SCML4: variants seen among roughly 807,000 people sequenced by gnomAD.
SCML4 encodes sex comb on midleg-like protein 4.
In SCML4, 34 loss-of-function variants were observed where a neutral mutation model predicts 41.1. The ratio of observed to expected loss-of-function variants is 0.83; its 90% CI spans 0.63 to 1.10. The LOEUF (loss-of-function observed/expected upper bound fraction) is 1.10, where lower values mean the gene tolerates loss of function less well. Ranked by LOEUF, SCML4 falls within the 50% of genes least tolerant of loss-of-function variation. SCML4 has a pLI of 0.00. For synonymous variants in SCML4, 214 were observed against 220.9 expected, an observed-to-expected ratio of 0.97 and a Z score of 0.28; for missense variants, 522 against 534.1, an observed-to-expected ratio of 0.98 and a Z score of 0.22.
At chr6:107,712,189 G>C (rs1774289510) in intron 6 of SCML4, among the ~76,000 whole-genome samples, 1 of 152,206 alleles carries the variant, frequency 6.6e-6, no homozygotes, top group Admixed American at 6.5e-5. Flanking sequence ...TGCCCCATCA[G>C]AACATTGGCG....
At chr6:107,760,072 A>G (rs1779462606) in intron 2 of SCML4, among the ~76,000 whole-genome samples, 1 of 152,194 alleles carries the variant, frequency 6.6e-6, no homozygotes, top group African/African-American at 2.4e-5. Flanking sequence ...TTGTGTGTGT[A>G]ACTTTCATTA....
the SCML4 span, among the ~76,000 whole-genome samples, chr6:107,839,346 AAAGAAAGAAAGAAAGAAAGAAG>A: frequency 0.053 from 1,296 of 24,588 alleles, 15 homozygotes; most frequent in Non-Finnish European, 0.083. Flanking sequence ...AGAGAAAAAG[AAAGAAAGAAAGAAAGAAAGAAG>A]GAAAGAAAGA....
chr6:107,814,454 T>A (rs1232607036), intron 1 of SCML4, among the ~76,000 whole-genome samples: 2 of 152,264 alleles, frequency 1.3e-5, no homozygotes, highest in East Asian at 3.8e-4. Context: ...GGCTGCTGTG[T>A]GGATACCCAC....
chr6:107,764,904 G>C (rs1411863033), intron 2 of SCML4, among the ~76,000 whole-genome samples: 1 of 152,126 alleles, frequency 6.6e-6, no homozygotes, highest in African/African-American at 2.4e-5. Flanking sequence ...TCTCTTATCT[G>C]CCACCATATA....
intron 1 of SCML4, among the ~76,000 whole-genome samples, chr6:107,817,576 G>C (rs1159034473): frequency 8.1e-6 from 1 of 122,766 alleles, no homozygotes; most frequent in Non-Finnish European, 1.6e-5. Context: ...AGCTGAGATC[G>C]CACCACTGTA....
intron 1 of SCML4, among the ~76,000 whole-genome samples, chr6:107,778,196 CAAAAAAAAAAA>C (rs1171221403): frequency 2.5e-3 from 19 of 7,742 alleles, no homozygotes; most frequent in East Asian, 5.6e-3. Flanking sequence ...GACTCTATCT[CAAAAAAAAAAA>C]AAAAAAAAAA....
At chr6:107,740,241 G>T (rs1441519018) in intron 5 of SCML4, 1 of 450,174 alleles carries the variant, frequency 2.2e-6, no homozygotes, top group Non-Finnish European at 4.6e-6. Flanking sequence ...CCACAATAAA[G>T]TGTGAGACCA....
In SCML4 at chr6:107,708,024, C is replaced by T; in HGVS notation, c.974-13G>A. On this transcript the variant is annotated splice_polypyrimidine_tract_variant and intron_variant, in intron 6 of 7. Transcript: ENST00000369020. ...GAAGGGCTTGAGGCTGGATGGGGCA[C>T]AGAGAGGGAGACCATGAGCCAGTGG... 6.5e-7 allele frequency: 1 copy of T among 1,549,264 alleles called. No individual in the cohort carries two copies. Among genetic ancestry groups the T allele is most frequent in the Non-Finnish European group, 8.7e-7 (1 of 1,146,932 alleles).
chr6:107,713,926 C>G (rs930099521), intron 6 of SCML4, among the ~76,000 whole-genome samples: 1 of 152,176 alleles, frequency 6.6e-6, no homozygotes, highest in Non-Finnish European at 1.5e-5. Context: ...TGAAACAGTG[C>G]TGTTTTTCAT....
chr6:107,705,975 T>C (rs6910172), intron 7 of SCML4, among the ~76,000 whole-genome samples: 133,008 of 152,156 alleles, frequency 0.87, 58,278 homozygotes, highest in South Asian at 0.92. Context: ...AGAATGCATG[T>C]GGAGTTCATG....
chr6:107,829,859 A>T, the SCML4 span, among the ~76,000 whole-genome samples: 562 of 152,374 alleles, frequency 3.7e-3, 3 homozygotes, highest in African/African-American at 0.013. Flanking sequence ...ATTGGCAAAC[A>T]TATTTGATAA....
At chr6:107,802,491 C>T (rs545895167) in intron 1 of SCML4, among the ~76,000 whole-genome samples, 20 of 149,732 alleles carry the variant, frequency 1.3e-4, no homozygotes, top group Non-Finnish European at 2.7e-4. Flanking sequence ...AGAGGGAAGG[C>T]GGGGTAGGAA....
the SCML4 span, among the ~76,000 whole-genome samples, chr6:107,845,521 C>T: frequency 7.7e-4 from 117 of 152,304 alleles, no homozygotes; most frequent in African/African-American, 2.8e-3. Flanking sequence ...TCTTTTCAAA[C>T]GAATGGAGGA....
intron 1 of SCML4, among the ~76,000 whole-genome samples, chr6:107,783,625 G>A (rs1181537024): frequency 1.3e-5 from 1 of 74,144 alleles, no homozygotes; most frequent in Admixed American, 1.3e-4. Context: ...GGCAGGTGCT[G>A]GTCTGAGTTT....
chr6:107,832,096 C>T, the SCML4 span, among the ~76,000 whole-genome samples: 5 of 148,690 alleles, frequency 3.4e-5, no homozygotes, highest in African/African-American at 1.3e-4. Flanking sequence ...AAAATTAGCC[C>T]GGGGTGGTGG....
chr6:107,751,578 CTTTCTTTCTTT>C (rs1562218557), intron 2 of SCML4, among the ~76,000 whole-genome samples: 3 of 69,964 alleles, frequency 4.3e-5, no homozygotes, highest in East Asian at 3.2e-4. Context: ...AACAATCTTT[CTTTCTTTCTTT>C]CTTTCTTTCT....
intron 2 of SCML4, among the ~76,000 whole-genome samples, chr6:107,751,569 ACAAT>A (rs1483928330): frequency 7.4e-6 from 1 of 135,256 alleles, no homozygotes; most frequent in Non-Finnish European, 1.6e-5. Flanking sequence ...TAACATTTTA[ACAAT>A]CTTTCTTTCT....
chr6:107,817,620 C>CAAAAAAAA (rs35621962), intron 1 of SCML4, among the ~76,000 whole-genome samples: 488 of 45,944 alleles, frequency 0.011, 40 homozygotes, highest in African/African-American at 0.066. Flanking sequence ...GACTTCATCT[C>CAAAAAAAA]AAAAAAAAAA....
At chr6:107,762,708 G>C (rs934073016) in intron 2 of SCML4, among the ~76,000 whole-genome samples, 1 of 152,054 alleles carries the variant, frequency 6.6e-6, no homozygotes, top group African/African-American at 2.4e-5. Flanking sequence ...TCAGAAGCTG[G>C]GAGAGAGACA....
Sources: gnomAD v4.1 joint callset for allele counts (sites outside exome capture counted in the v4.1 genomes callset) on GRCh38, gnomAD v4.1.1 for gene constraint, MANE v1.5 for transcripts, NCBI Gene and HGNC (gene_info 2026-07-23, HGNC 2026-07-21) for gene names.